The following HHIPL1 variants were observed in gnomAD, a reference collection of about 807,000 sequenced individuals.
The protein encoded by HHIPL1 is HHIP like 1, also known as HHIP-like protein 1.
Under a neutral mutation model 61.8 loss-of-function variants are expected in HHIPL1, and 43 were observed. That is an observed-to-expected ratio of 0.70 (90% confidence interval 0.55 to 0.90). The LOEUF is 0.90. Among genes scored for constraint, HHIPL1 ranks in the 40% least tolerant of loss-of-function variants. The pLI, the probability that HHIPL1 is intolerant of heterozygous loss-of-function variation, is 0.00. For missense variants in HHIPL1, 1,056 were observed against 1,157.7 expected, an observed-to-expected ratio of 0.91 and a Z score of 1.28; for synonymous variants, 482 against 515.8, an observed-to-expected ratio of 0.93 and a Z score of 0.89.
chr14:99,668,246 G>A lies in HHIPL1; in HGVS notation c.1673G>A (p.Gly558Glu). Reference protein sequence around the residue: ...EAGELYFMSTGEPSATAPRGV... With the variant: ...EAGELYFMSTEEPSATAPRGV... ...GGGGAGCTGTACTTCATGTCGACAG[G>A]GGAGCCGAGTGCCACAGCTCCACGC... Residue 558 changes from glycine to glutamate, a missense_variant, in exon 7 of 9, where the codon GGG becomes GAG. Gly to Glu is a moderately conservative substitution (Grantham distance 98). Coordinates refer to ENST00000330710, the MANE Select transcript of HHIPL1 (RefSeq NM_001127258.3). This position sits in a 1 kb window ranked among gnomAD's most constrained non-coding sequence, Gnocchi z 4.7. 6.2e-7 allele frequency: 1 copy of A among 1,611,926 alleles called. No homozygotes were observed. Among genetic ancestry groups the A allele is most frequent in the Non-Finnish European group, 8.5e-7 (1 of 1,178,092 alleles).
chr14:99,619,682 C>T, the HHIPL1 span, among the ~76,000 whole-genome samples: 1 of 151,982 alleles, frequency 6.6e-6, no homozygotes, highest in Non-Finnish European at 1.5e-5. Flanking sequence ...TTCAGGAAGC[C>T]TAGAGTGCTA....
chr14:99,676,785 C>G lies in HHIPL1; in HGVS notation c.*1159C>G, dbSNP rs1386816363. On this transcript the variant is annotated 3_prime_UTR_variant, in exon 9 of 9. Coordinates refer to ENST00000330710, the MANE Select transcript of HHIPL1 (RefSeq NM_001127258.3). ...TGCATCACAGGTGGAAGCTCCTTCA[C>G]TCCAGGGATGCTCGGCCCTGGCTCT... is the stretch of plus-strand genomic sequence containing the variant. 1 of 152,218 alleles carries G rather than the reference C, an allele frequency of 6.6e-6. No homozygotes were observed. The highest frequency in any genetic ancestry group is 2.4e-5 in the African/African-American group (1 of 41,428). 9.4% of individuals were successfully genotyped at this position (152,218 alleles called of 1,614,324 possible). A position where few individuals can be genotyped will look rare whatever the true frequency, so the allele number is the denominator to read the frequency against.
chr14:99,659,326 C>A, intron 3 of HHIPL1, 102 bp from the exon 4 acceptor site: 1 of 932,762 alleles, frequency 1.1e-6, no homozygotes, highest in Non-Finnish European at 1.5e-6. Context: ...CACCCTGCAC[C>A]TGGCTCAGCG....
chr14:99,638,214 C>G, the HHIPL1 span, among the ~76,000 whole-genome samples: 3 of 152,212 alleles, frequency 2.0e-5, no homozygotes, highest in African/African-American at 7.2e-5. Context: ...CACTCACTCC[C>G]CAGCACTCAC....
the HHIPL1 span, among the ~76,000 whole-genome samples, chr14:99,631,584 A>G: frequency 2.1e-4 from 32 of 152,206 alleles, no homozygotes; most frequent in African/African-American, 7.2e-4. Context: ...GCATGATCTG[A>G]GGGTCCTTTC....
Position 99,663,039 on chromosome 14 carries a change from C to A in HHIPL1, c.1648+18C>A. On this transcript the variant is annotated intron_variant, in intron 6 of 8. Transcript: ENST00000330710. ...CGAGGCCGGTGAGCACTCCTGAGAC[C>A]TCTCCTTGCTGGTTGCTCGTGCCTG... 6.3e-7 allele frequency: 1 copy of A among 1,575,886 alleles called. No individual in the cohort carries two copies. Among genetic ancestry groups the A allele is most frequent in the South Asian group, 1.2e-5 (1 of 83,652 alleles).
At chr14:99,640,436 C>T (rs1045357984), upstream of HHIPL1, among the ~76,000 whole-genome samples, 26 of 151,252 alleles carry the variant, frequency 1.7e-4, no homozygotes, top group African/African-American at 5.6e-4. Context: ...AGTTGCACAC[C>T]ATCACGCCAA....
At chr14:99,665,723 C>G (rs2056233979) in intron 6 of HHIPL1, among the ~76,000 whole-genome samples, 1 of 152,210 alleles carries the variant, frequency 6.6e-6, no homozygotes, top group Admixed American at 6.5e-5. Context: ...CATGAGCCAC[C>G]ATATCTGACC....
rs79310089 is a variant in HHIPL1, at chr14:99,651,566, G to A, written c.256-658G>A. On this transcript the variant is annotated intron_variant, in intron 1 of 8. Transcript: ENST00000330710. ...AAACTAAACCATGCGTGAGAACTCC[G>A]CCCCGTGATCCAGTCACCTCCCACC... is the stretch of plus-strand genomic sequence containing the variant. Among the ~76,000 whole-genome samples, 358 of 152,256 alleles carry A rather than the reference G, an allele frequency of 2.4e-3. 1 individual carries two copies. The highest frequency in any genetic ancestry group is 8.0e-3 in the African/African-American group (331 of 41,546).
At chr14:99,637,170 A>G in the HHIPL1 span, among the ~76,000 whole-genome samples, 10,836 of 99,650 alleles carry the variant, frequency 0.11, 981 homozygotes, top group East Asian at 0.28. Context: ...AAGAAAGAAA[A>G]AGAAAGAAAG....
the HHIPL1 span, among the ~76,000 whole-genome samples, chr14:99,606,268 G>T: frequency 6.6e-6 from 1 of 152,160 alleles, no homozygotes; most frequent in Admixed American, 6.5e-5. Context: ...CTGAGGCACT[G>T]CTCTGCTGGT....
chr14:99,612,483 G>C, the HHIPL1 span, among the ~76,000 whole-genome samples: 1 of 152,204 alleles, frequency 6.6e-6, no homozygotes, highest in Non-Finnish European at 1.5e-5. Flanking sequence ...GGATTTAATT[G>C]AAGTGTTTGT....
the HHIPL1 span, among the ~76,000 whole-genome samples, chr14:99,622,402 C>A: frequency 6.6e-6 from 1 of 152,286 alleles, no homozygotes; most frequent in East Asian, 1.9e-4. Flanking sequence ...TGCTCTCCAG[C>A]CCACAATTTC....
At chr14:99,605,781 C>T in the HHIPL1 span, among the ~76,000 whole-genome samples, 1 of 152,148 alleles carries the variant, frequency 6.6e-6, no homozygotes, top group Non-Finnish European at 1.5e-5. Context: ...GTCTGATTGG[C>T]AAGGTACAAA....
chr14:99,628,261 T>C, the HHIPL1 span, among the ~76,000 whole-genome samples: 1 of 152,170 alleles, frequency 6.6e-6, no homozygotes, highest in Non-Finnish European at 1.5e-5. Flanking sequence ...GGGCAGTCTC[T>C]TCCTTTCTGT....
upstream of HHIPL1, among the ~76,000 whole-genome samples, chr14:99,640,867 A>ACTT (rs1162402397): frequency 4.2e-5 from 4 of 95,712 alleles, no homozygotes; most frequent in Admixed American, 1.1e-4. Context: ...GAACTTCTTT[A>ACTT]CTTCTTCTTC....
chr14:99,653,168 A>G (rs765063233), intron 2 of HHIPL1, among the ~76,000 whole-genome samples: 116 of 152,128 alleles, frequency 7.6e-4, no homozygotes, highest in Non-Finnish European at 2.5e-4. Flanking sequence ...CACTGAGGCT[A>G]GTATTATTTT....
the HHIPL1 span, among the ~76,000 whole-genome samples, chr14:99,618,699 G>C: frequency 2.0e-5 from 3 of 152,368 alleles, no homozygotes; most frequent in Non-Finnish European, 2.9e-5. Flanking sequence ...CAGCTCAGCT[G>C]CTTCCTTCAG....
At chr14:99,641,911 T>G (rs2055757032), upstream of HHIPL1, among the ~76,000 whole-genome samples, 1 of 152,110 alleles carries the variant, frequency 6.6e-6, no homozygotes, top group African/African-American at 2.4e-5. Context: ...TGTTGTTTTG[T>G]ATCTGTCATG....
Sources: gnomAD v4.1 joint callset for allele counts (sites outside exome capture counted in the v4.1 genomes callset) on GRCh38, gnomAD v4.1.1 for gene constraint, Gnocchi (gnomAD v3.1) non-coding constraint, MANE v1.5 for transcripts, NCBI Gene and HGNC (gene_info 2026-07-23, HGNC 2026-07-21) for gene names.